Variants in TEAD1 observed in about 807,000 individuals in gnomAD.
TEAD1 encodes the protein transcriptional enhancer factor TEF-1.
TEAD1 carries 9 observed loss-of-function variants against 54.9 expected under a neutral mutation model. The ratio of observed to expected loss-of-function variants is 0.16; its 90% CI spans 0.10 to 0.29. The LOEUF is 0.29. TEAD1 is among the 10% of genes least tolerant of loss of function. The probability of loss-of-function intolerance (pLI) is 1.00; values close to 1 mark genes in which losing one functional copy is unlikely to be tolerated. For missense variants in TEAD1, 387 were observed against 535.9 expected, an observed-to-expected ratio of 0.72 and a Z score of 2.74; for synonymous variants, 200 against 187.8, an observed-to-expected ratio of 1.07 and a Z score of -0.53.
At chr11:12,794,150 A>G (rs1945864202) in intron 3 of TEAD1, among the ~76,000 whole-genome samples, 1 of 152,206 alleles carries the variant, frequency 6.6e-6, no homozygotes. Context: ...TACCACTTCT[A>G]GGTATGAGCT....
intron 9 of TEAD1, among the ~76,000 whole-genome samples, chr11:12,893,918 T>C (rs1948252852): frequency 6.6e-6 from 1 of 152,176 alleles, no homozygotes; most frequent in South Asian, 2.1e-4. Context: ...GGCAAGCTCC[T>C]GGGCTGAATG....
chr11:12,862,434 C>T (rs753715749), intron 4 of TEAD1, 120 bp downstream of exon 4: 10 of 819,278 alleles, frequency 1.2e-5, no homozygotes, highest in African/African-American at 5.1e-5. Flanking sequence ...CCTGTAAGGA[C>T]GTCAGTGTTG....
intron 9 of TEAD1, among the ~76,000 whole-genome samples, chr11:12,888,246 C>T (rs1348003240): frequency 6.6e-6 from 1 of 152,204 alleles, no homozygotes; most frequent in African/African-American, 2.4e-5. Context: ...TGATGGCTCA[C>T]GCCTGTAATC....
intron 2 of TEAD1, among the ~76,000 whole-genome samples, chr11:12,713,960 C>G (rs1423811026): frequency 6.6e-6 from 1 of 152,218 alleles, no homozygotes. Context: ...TCATGCCTCA[C>G]TTTGATGAAT....
intron 7 of TEAD1, 71 bp from the exon 8 acceptor site, chr11:12,881,825 G>A (rs1322887124): frequency 7.8e-6 from 12 of 1,536,540 alleles, no homozygotes; most frequent in Non-Finnish European, 1.1e-5. Flanking sequence ...GGAGGTCATG[G>A]TGGGGCCTGG....
At chr11:12,876,097 G>C (rs1311024380) in intron 5 of TEAD1, among the ~76,000 whole-genome samples, 1 of 152,056 alleles carries the variant, frequency 6.6e-6, no homozygotes, top group Non-Finnish European at 1.5e-5. Flanking sequence ...CAATTGATTT[G>C]CTCTCCTGCT....
chr11:12,735,065 G>A (rs190239036), intron 2 of TEAD1, among the ~76,000 whole-genome samples: 1 of 152,314 alleles, frequency 6.6e-6, no homozygotes, highest in African/African-American at 2.4e-5. Context: ...GGGATGTGGG[G>A]AAAATGTGAC....
At chr11:12,721,079 A>T (rs933824210) in intron 2 of TEAD1, among the ~76,000 whole-genome samples, 12 of 152,160 alleles carry the variant, frequency 7.9e-5, no homozygotes, top group African/African-American at 2.9e-4. Flanking sequence ...TAGACAGAAG[A>T]ATGTGGTTCT....
intron 2 of TEAD1, among the ~76,000 whole-genome samples, chr11:12,687,181 C>G (rs1307081888): frequency 1.3e-5 from 2 of 152,162 alleles, no homozygotes; most frequent in Non-Finnish European, 1.5e-5. Context: ...TGCCTCTTGC[C>G]CCTCTAGCTG....
intron 2 of TEAD1, among the ~76,000 whole-genome samples, chr11:12,725,554 A>G (rs1316374173): frequency 2.0e-5 from 3 of 152,190 alleles, no homozygotes; most frequent in Non-Finnish European, 2.9e-5. Context: ...TACATATTCC[A>G]TGCATGTAAC....
intron 3 of TEAD1, among the ~76,000 whole-genome samples, chr11:12,772,755 C>A (rs369642480): frequency 6.6e-6 from 1 of 152,092 alleles, no homozygotes; most frequent in African/African-American, 2.4e-5. Context: ...TTGCAACAAG[C>A]GGGATATTGG....
At chr11:12,875,089 C>G (rs1530180) in intron 5 of TEAD1, among the ~76,000 whole-genome samples, 147,478 of 152,336 alleles carry the variant, frequency 0.97, 71,452 homozygotes, top group Non-Finnish European at 0.99. Flanking sequence ...AGTTTTTCAG[C>G]ATCAAACAAT....
intron 2 of TEAD1, among the ~76,000 whole-genome samples, chr11:12,748,713 T>C (rs1944803302): frequency 6.6e-6 from 1 of 151,990 alleles, no homozygotes; most frequent in Non-Finnish European, 1.5e-5. Flanking sequence ...ATAACCAGGC[T>C]TGGGGACTAG....
intron 2 of TEAD1, among the ~76,000 whole-genome samples, chr11:12,703,405 T>C (rs1042047841): frequency 2.0e-5 from 3 of 152,216 alleles, no homozygotes; most frequent in East Asian, 3.8e-4. Flanking sequence ...TTGTGAGATA[T>C]GAGTGACACA....
intron 3 of TEAD1, among the ~76,000 whole-genome samples, chr11:12,845,486 C>G (rs1947127880): frequency 1.3e-5 from 2 of 152,136 alleles, no homozygotes; most frequent in Non-Finnish European, 2.9e-5. Flanking sequence ...ACAGAGCGTC[C>G]TCTTTCATTT....
At chr11:12,679,442 T>C (rs1166599729) in intron 2 of TEAD1, among the ~76,000 whole-genome samples, 1 of 152,236 alleles carries the variant, frequency 6.6e-6, no homozygotes, top group African/African-American at 2.4e-5. Context: ...TGGGAAATTC[T>C]GGTTGCTTTT....
chr11:12,920,858 T>C (rs1471865396), intron 10 of TEAD1, among the ~76,000 whole-genome samples: 1 of 152,206 alleles, frequency 6.6e-6, no homozygotes, highest in Admixed American at 6.5e-5. Context: ...TATTCATCAG[T>C]AGAGCGTGTA....
intron 3 of TEAD1, among the ~76,000 whole-genome samples, chr11:12,790,367 A>G (rs908428623): frequency 2.0e-5 from 3 of 152,182 alleles, no homozygotes; most frequent in African/African-American, 4.8e-5. Flanking sequence ...TTCTCTGTTA[A>G]TAGGTGGTGA....
At chr11:12,908,519 TCTC>T (rs1170022570) in intron 10 of TEAD1, among the ~76,000 whole-genome samples, 1 of 152,090 alleles carries the variant, frequency 6.6e-6, no homozygotes, top group African/African-American at 2.4e-5. Flanking sequence ...TTCCTGAACT[TCTC>T]CTGTGCTCTG....
Sources: gnomAD v4.1 joint callset for allele counts (sites outside exome capture counted in the v4.1 genomes callset) on GRCh38, gnomAD v4.1.1 for gene constraint, MANE v1.5 for transcripts, NCBI Gene and HGNC (gene_info 2026-07-23, HGNC 2026-07-21) for gene names.